GPR107: variants seen among roughly 807,000 people sequenced by gnomAD.
The protein encoded by GPR107 is G protein-coupled receptor 107, also known as protein GPR107.
In GPR107, 31 loss-of-function variants were observed where a neutral mutation model predicts 75.5. The ratio of observed to expected loss-of-function variants is 0.41; its 90% CI spans 0.31 to 0.55. The LOEUF is 0.55. Ranked by LOEUF, GPR107 falls within the 20% of genes least tolerant of loss-of-function variation. The pLI is 0.26. For missense variants in GPR107, 572 were observed against 665.7 expected (o/e 0.86, Z 1.55); for synonymous variants, 267 against 251.3 (o/e 1.06, Z -0.59).
At chr9:130,087,805 CAAAAA>C (rs35984705) in intron 7 of GPR107, among the ~76,000 whole-genome samples, 2 of 87,618 alleles carry the variant, frequency 2.3e-5, no homozygotes, top group African/African-American at 4.5e-5. Flanking sequence ...GACCCTGTCT[CAAAAA>C]AAAAAAAAAA....
chr9:130,115,964 ACT>A (rs1831420366), intron 14 of GPR107, among the ~76,000 whole-genome samples: 1 of 151,768 alleles, frequency 6.6e-6, no homozygotes, highest in South Asian at 2.1e-4. Flanking sequence ...AATCACCAAA[ACT>A]CTCTTGTCAT....
intron 9 of GPR107, among the ~76,000 whole-genome samples, chr9:130,098,937 C>T (rs1177741268): frequency 3.9e-5 from 6 of 152,018 alleles, no homozygotes; most frequent in Non-Finnish European, 8.8e-5. Flanking sequence ...CACTTGATCC[C>T]GGGAGGTGGA....
At chr9:130,085,059 G>A (rs1385816697) in intron 6 of GPR107, among the ~76,000 whole-genome samples, 1 of 152,158 alleles carries the variant, frequency 6.6e-6, no homozygotes, top group Non-Finnish European at 1.5e-5. Flanking sequence ...ATAATATAGG[G>A]CCAAGCAATA....
At chr9:130,120,418 G>T (rs971872554) in intron 14 of GPR107, among the ~76,000 whole-genome samples, 1 of 152,058 alleles carries the variant, frequency 6.6e-6, no homozygotes, top group African/African-American at 2.4e-5. Flanking sequence ...ACCCCACCCC[G>T]GTCCTTACTT....
At chr9:130,072,045 C>T (rs1830222847) in intron 1 of GPR107, among the ~76,000 whole-genome samples, 1 of 151,452 alleles carries the variant, frequency 6.6e-6, no homozygotes, top group South Asian at 2.1e-4. Context: ...CAACCCGGCT[C>T]CCTGCAGCCT....
intron 1 of GPR107, among the ~76,000 whole-genome samples, chr9:130,056,752 C>A (rs1829799479): frequency 6.6e-6 from 1 of 151,226 alleles, no homozygotes; most frequent in Non-Finnish European, 1.5e-5. Context: ...GGTGAAACCC[C>A]GTCTCTACTA....
At chr9:130,125,597 C>CTTTTTT (rs71387321) in intron 15 of GPR107, among the ~76,000 whole-genome samples, 2 of 103,134 alleles carry the variant, frequency 1.9e-5, no homozygotes, top group Non-Finnish European at 1.9e-5. Flanking sequence ...ATCTGAGTTC[C>CTTTTTT]TTTTTTTTTT....
chr9:130,075,610 A>T, intron 1 of GPR107, 26 bp from the exon 2 acceptor site: 2 of 1,154,408 alleles, frequency 1.7e-6, no homozygotes, highest in Non-Finnish European at 2.6e-6. Context: ...CCATATGACT[A>T]ATTCCACCAC....
At chr9:130,109,567 CTTT>C (rs1831242215) in intron 14 of GPR107, among the ~76,000 whole-genome samples, 3 of 26,234 alleles carry the variant, frequency 1.1e-4, no homozygotes, top group Non-Finnish European at 2.5e-4. Context: ...TAGTCTTTTT[CTTT>C]CTTTTTTTTT....
intron 17 of GPR107, chr9:130,129,693 G>A (rs9792409): frequency 0.97 from 148,393 of 152,464 alleles, 72,250 homozygotes; most frequent in East Asian, 1. Context: ...TCCCAGAAGT[G>A]GCAGGATCTG....
At chr9:130,080,669 T>G (rs996979667) in intron 5 of GPR107, among the ~76,000 whole-genome samples, 9 of 151,272 alleles carry the variant, frequency 5.9e-5, no homozygotes, top group African/African-American at 2.2e-4. Flanking sequence ...TTTTTTGTAT[T>G]TTTAGTAGAG....
intron 1 of GPR107, among the ~76,000 whole-genome samples, chr9:130,054,393 G>A (rs111517692): frequency 0.024 from 3,682 of 152,282 alleles, 59 homozygotes; most frequent in Middle Eastern, 0.051. Flanking sequence ...AGGGCAGCCC[G>A]ATCGCCTTTC....
intron 1 of GPR107, among the ~76,000 whole-genome samples, chr9:130,062,603 T>C (rs930859209): frequency 2.5e-5 from 3 of 122,044 alleles, no homozygotes; most frequent in Non-Finnish European, 4.9e-5. Flanking sequence ...CTCTTTCGCC[T>C]GCCTGCCTGC....
intron 9 of GPR107, among the ~76,000 whole-genome samples, chr9:130,092,935 G>A (rs1323232955): frequency 6.6e-6 from 1 of 152,080 alleles, no homozygotes; most frequent in Non-Finnish European, 1.5e-5. Flanking sequence ...ATTTTTAATG[G>A]TATGCAAGCA....
chr9:130,094,582 A>G (rs1435808064), intron 9 of GPR107, among the ~76,000 whole-genome samples: 1 of 152,184 alleles, frequency 6.6e-6, no homozygotes, highest in African/African-American at 2.4e-5. Context: ...CTAAGAAAGA[A>G]AGAGAAAGAG....
intron 9 of GPR107, among the ~76,000 whole-genome samples, chr9:130,097,782 C>G (rs1830912918): frequency 6.7e-6 from 1 of 150,068 alleles, no homozygotes; most frequent in Non-Finnish European, 1.5e-5. Context: ...TCAAGGCTTA[C>G]AGCAGCCTCA....
At chr9:130,084,840 C>T (rs996424290) in intron 6 of GPR107, among the ~76,000 whole-genome samples, 1 of 151,518 alleles carries the variant, frequency 6.6e-6, no homozygotes, top group Non-Finnish European at 1.5e-5. Flanking sequence ...GATGTAGGAT[C>T]AGGTAGTTAG....
At chr9:130,089,562 T>C (rs1035926254) in intron 7 of GPR107, among the ~76,000 whole-genome samples, 1 of 152,092 alleles carries the variant, frequency 6.6e-6, no homozygotes, top group African/African-American at 2.4e-5. Flanking sequence ...AACTCTAGAG[T>C]TGACATTTTT....
intron 14 of GPR107, among the ~76,000 whole-genome samples, chr9:130,117,477 G>A (rs1011029417): frequency 5.3e-5 from 8 of 152,188 alleles, no homozygotes; most frequent in African/African-American, 1.4e-4. Flanking sequence ...AGGTCAGCCC[G>A]TGGCCTGCGT....
Sources: allele counts gnomAD v4.1 joint callset (sites outside exome capture counted in the v4.1 genomes callset), GRCh38; gene constraint gnomAD v4.1.1; transcripts MANE v1.5; gene names NCBI Gene and HGNC (gene_info 2026-07-23, HGNC 2026-07-21).